ARHGAP10: variants seen among roughly 807,000 people sequenced by gnomAD.
ARHGAP10 encodes the protein rho GTPase-activating protein 10.
ARHGAP10 carries 87 observed loss-of-function variants against 108.6 expected under a neutral mutation model. The ratio of observed to expected loss-of-function variants is 0.80; its 90% CI spans 0.67 to 0.96. The LOEUF is 0.96. Ranked by LOEUF, ARHGAP10 falls within the 40% of genes least tolerant of loss-of-function variation. The pLI is 0.00. For synonymous variants in ARHGAP10, 347 were observed against 341.1 expected (o/e 1.02, Z -0.19); for missense variants, 939 against 954.5 (o/e 0.98, Z 0.21).
intron 13 of ARHGAP10, among the ~76,000 whole-genome samples, chr4:147,930,932 G>C (rs1339365865): frequency 1.3e-5 from 2 of 152,024 alleles, no homozygotes; most frequent in Non-Finnish European, 2.9e-5. Context: ...TGCTTCTCCA[G>C]CCCACCTACA....
At chr4:147,897,971 A>G (rs999656570) in intron 10 of ARHGAP10, among the ~76,000 whole-genome samples, 3 of 152,036 alleles carry the variant, frequency 2.0e-5, no homozygotes, top group Non-Finnish European at 4.4e-5. Context: ...CTCCTGCCTC[A>G]GCCTCCCGAG....
At chr4:147,894,406 T>A (rs1159479317) in intron 10 of ARHGAP10, among the ~76,000 whole-genome samples, 1 of 152,224 alleles carries the variant, frequency 6.6e-6, no homozygotes, top group Non-Finnish European at 1.5e-5. Flanking sequence ...AAAATTGTGT[T>A]GTTGATCTTT....
chr4:147,759,193 T>C (rs1729497669), intron 1 of ARHGAP10, among the ~76,000 whole-genome samples: 1 of 152,182 alleles, frequency 6.6e-6, no homozygotes, highest in Non-Finnish European at 1.5e-5. Flanking sequence ...GTTACTTTGT[T>C]AAACTTCCAC....
chr4:147,734,765 C>T (rs1391695969), intron 1 of ARHGAP10, among the ~76,000 whole-genome samples: 3 of 152,146 alleles, frequency 2.0e-5, no homozygotes, highest in Non-Finnish European at 2.9e-5. Flanking sequence ...TTATTTGAAA[C>T]TGCAGTCTAG....
intron 7 of ARHGAP10, among the ~76,000 whole-genome samples, chr4:147,874,034 A>G (rs1452554213): frequency 1.3e-5 from 2 of 152,066 alleles, no homozygotes; most frequent in East Asian, 3.8e-4. Flanking sequence ...TTTAAAAAAA[A>G]ACAACAAACC....
intron 18 of ARHGAP10, among the ~76,000 whole-genome samples, chr4:147,976,977 C>T (rs1481987654): frequency 6.6e-6 from 1 of 152,128 alleles, no homozygotes; most frequent in Non-Finnish European, 1.5e-5. Flanking sequence ...AGAAGAACTT[C>T]GTAATATTTA....
intron 16 of ARHGAP10, among the ~76,000 whole-genome samples, chr4:147,960,464 A>G (rs1361638515): frequency 2.0e-5 from 3 of 152,238 alleles, no homozygotes; most frequent in East Asian, 3.8e-4. Context: ...AAGGTGTTCC[A>G]TTTAATGACA....
At chr4:148,006,689 A>T (rs57021418) in intron 18 of ARHGAP10, among the ~76,000 whole-genome samples, 22,431 of 152,226 alleles carry the variant, frequency 0.15, 2,213 homozygotes, top group African/African-American at 0.27. Context: ...GGAACATTTT[A>T]AAAAGATTAT....
intron 1 of ARHGAP10, among the ~76,000 whole-genome samples, chr4:147,793,321 T>TATA (rs59470864): frequency 0.021 from 515 of 25,064 alleles, 1 homozygote; most frequent in African/African-American, 0.034. Context: ...TATATATATA[T>TATA]TTTTTTTTTT....
intron 18 of ARHGAP10, among the ~76,000 whole-genome samples, chr4:147,967,243 T>A (rs907658004): frequency 1.3e-5 from 2 of 152,312 alleles, no homozygotes; most frequent in Middle Eastern, 6.8e-3. Context: ...CAAATAAGGT[T>A]GAAGGGATGT....
chr4:147,832,646 CA>C (rs776184630), intron 3 of ARHGAP10, among the ~76,000 whole-genome samples: 13 of 63,536 alleles, frequency 2.0e-4, no homozygotes, highest in South Asian at 9.9e-4. Flanking sequence ...GACTCTGTCT[CA>C]AAAAAAAAAA....
intron 3 of ARHGAP10, among the ~76,000 whole-genome samples, chr4:147,843,879 C>T (rs1382321896): frequency 6.6e-6 from 1 of 152,154 alleles, no homozygotes; most frequent in African/African-American, 2.4e-5. Flanking sequence ...CATCGTTTAC[C>T]TCTGTTCTTT....
At chr4:147,882,025 G>T in intron 10 of ARHGAP10, 93 bp downstream of exon 10, 4 of 1,155,584 alleles carry the variant, frequency 3.5e-6, no homozygotes, top group Non-Finnish European at 5.1e-6. Flanking sequence ...GATTTCTGTG[G>T]CCTGGGAGAA....
intron 1 of ARHGAP10, among the ~76,000 whole-genome samples, chr4:147,786,801 G>A (rs1050308911): frequency 9.8e-5 from 15 of 152,328 alleles, no homozygotes; most frequent in African/African-American, 2.6e-4. Context: ...GTGGGTTACA[G>A]AAATGAGTCT....
chr4:147,926,008 CT>C (rs1737447365), intron 13 of ARHGAP10, among the ~76,000 whole-genome samples: 1 of 152,232 alleles, frequency 6.6e-6, no homozygotes, highest in African/African-American at 2.4e-5. Flanking sequence ...CAACCCTGCT[CT>C]TTGCTCCAGA....
At chr4:147,771,204 G>T (rs553218464) in intron 1 of ARHGAP10, among the ~76,000 whole-genome samples, 1 of 152,104 alleles carries the variant, frequency 6.6e-6, no homozygotes. Flanking sequence ...AAAGAATCCC[G>T]TGTCTGAATA....
chr4:147,914,987 AAGTATGTATAAATGG>A (rs1353999503), intron 13 of ARHGAP10, among the ~76,000 whole-genome samples: 18 of 152,252 alleles, frequency 1.2e-4, no homozygotes, highest in South Asian at 1.0e-3. Flanking sequence ...CGATCTAGTG[AAGTATGTATAAATGG>A]AATATTTAAT....
intron 18 of ARHGAP10, among the ~76,000 whole-genome samples, chr4:148,002,252 A>C (rs568254260): frequency 3.2e-4 from 49 of 152,322 alleles, no homozygotes; most frequent in Admixed American, 8.5e-4. Context: ...CTTGCATCCC[A>C]GGGATGAAGT....
chr4:148,016,446 C>T (rs1044686718), intron 18 of ARHGAP10, among the ~76,000 whole-genome samples: 3 of 151,910 alleles, frequency 2.0e-5, no homozygotes, highest in Admixed American at 1.3e-4. Flanking sequence ...AAGGCTGCAG[C>T]GACCTGTGAT....
Sources: gnomAD v4.1 joint callset for allele counts (sites outside exome capture counted in the v4.1 genomes callset) on GRCh38, gnomAD v4.1.1 for gene constraint, MANE v1.5 for transcripts, NCBI Gene and HGNC (gene_info 2026-07-23, HGNC 2026-07-21) for gene names.